Variants in PRKN observed in about 807,000 individuals in gnomAD.
PRKN encodes the protein parkin RBR E3 ubiquitin protein ligase.
A neutral mutation model predicts 59.5 loss-of-function variants in PRKN; 56 were observed. That is an observed-to-expected ratio of 0.94 (90% CI 0.76 to 1.18). The LOEUF is 1.18. PRKN is among the 50% of genes most tolerant of loss of function. The probability of loss-of-function intolerance (pLI) is 0.00; values close to 1 mark genes in which losing one functional copy is unlikely to be tolerated. For missense variants in PRKN, 657 were observed against 596.4 expected (o/e 1.10, Z -1.06); for synonymous variants, 250 against 222.1 (o/e 1.13, Z -1.12).
chr6:161,940,456 T>C (rs1265191325), intron 6 of PRKN, among the ~76,000 whole-genome samples: 1 of 152,154 alleles, frequency 6.6e-6, no homozygotes, highest in Non-Finnish European at 1.5e-5. Flanking sequence ...TCTCAACTTC[T>C]CTTGAAGTTG....
At chr6:161,802,606 T>A (rs967875194) in intron 6 of PRKN, among the ~76,000 whole-genome samples, 1 of 152,126 alleles carries the variant, frequency 6.6e-6, no homozygotes, top group Non-Finnish European at 1.5e-5. Context: ...CTGCAGCTCT[T>A]CCAATGTCTC....
chr6:162,513,916 C>A (rs146984875), intron 1 of PRKN, among the ~76,000 whole-genome samples: 269 of 151,946 alleles, frequency 1.8e-3, no homozygotes, highest in African/African-American at 5.5e-3. Context: ...TATGGTGATG[C>A]GTGCCTGTAG....
chr6:161,639,359 C>T (rs1329239267), intron 7 of PRKN, among the ~76,000 whole-genome samples: 2 of 152,122 alleles, frequency 1.3e-5, no homozygotes, highest in East Asian at 3.9e-4. Context: ...TCTTGAAAAG[C>T]AATTGTTAGC....
chr6:162,389,324 C>T (rs1171618178), intron 2 of PRKN, among the ~76,000 whole-genome samples: 4 of 152,036 alleles, frequency 2.6e-5, no homozygotes, highest in South Asian at 2.1e-4. Flanking sequence ...ATGAGCAAAG[C>T]TACCTTCTTC....
At chr6:162,139,258 T>C (rs1217339804) in intron 4 of PRKN, among the ~76,000 whole-genome samples, 1 of 152,204 alleles carries the variant, frequency 6.6e-6, no homozygotes, top group Non-Finnish European at 1.5e-5. Context: ...TTCCTTGGCA[T>C]CTACACTAAC....
At chr6:161,967,280 G>A (rs1032371840) in intron 6 of PRKN, among the ~76,000 whole-genome samples, 1 of 115,164 alleles carries the variant, frequency 8.7e-6, no homozygotes, top group African/African-American at 3.1e-5. Context: ...TGATTTGGTA[G>A]GCGCATCATT....
intron 2 of PRKN, among the ~76,000 whole-genome samples, chr6:162,414,547 A>T (rs528563799): frequency 4.6e-5 from 7 of 151,024 alleles, no homozygotes; most frequent in Non-Finnish European, 8.9e-5. Flanking sequence ...TCTCTACTAA[A>T]ATACAAAAAA....
At chr6:161,437,666 G>A (rs1202128764) in intron 9 of PRKN, among the ~76,000 whole-genome samples, 1 of 152,106 alleles carries the variant, frequency 6.6e-6, no homozygotes, top group Non-Finnish European at 1.5e-5. Context: ...GACAGGCTGT[G>A]TATAAAAACC....
At chr6:162,057,855 A>G (rs1464071745) in intron 4 of PRKN, among the ~76,000 whole-genome samples, 5 of 152,226 alleles carry the variant, frequency 3.3e-5, no homozygotes, top group Non-Finnish European at 5.9e-5. Flanking sequence ...TAACATTCAT[A>G]CTAATAGTGT....
chr6:161,927,481 A>G (rs1001034630), intron 6 of PRKN, among the ~76,000 whole-genome samples: 2 of 152,234 alleles, frequency 1.3e-5, no homozygotes, highest in African/African-American at 4.8e-5. Context: ...TGTTAACAAA[A>G]AGCAAAGATG....
At chr6:162,328,933 AAACAC>A (rs1783438052) in intron 2 of PRKN, among the ~76,000 whole-genome samples, 1 of 152,176 alleles carries the variant, frequency 6.6e-6, no homozygotes, top group Non-Finnish European at 1.5e-5. Flanking sequence ...TCCATGTTCT[AAACAC>A]AACAAATCAC....
chr6:162,679,201 G>C (rs985214032), intron 1 of PRKN, among the ~76,000 whole-genome samples: 7 of 151,890 alleles, frequency 4.6e-5, no homozygotes, highest in African/African-American at 1.5e-4. Context: ...CCGGGTTCAA[G>C]TGATTCTCCT....
Position 161,935,571 on chromosome 6 carries a change from AG to A in PRKN, c.734+37730del, listed in dbSNP as rs564681964. Reference sequence around the variant, plus strand: ...CTTGTTTCCAAAAAAAAAAAAAAAAAGAAGAAGAAGAAGAAGGATAAGACGT... The same window carrying A: ...CTTGTTTCCAAAAAAAAAAAAAAAAAAAGAAGAAGAAGAAGGATAAGACGT... On this transcript the variant is annotated intron_variant, in intron 6 of 11. Coordinates refer to ENST00000366898, the MANE Select transcript of PRKN (RefSeq NM_004562.3). Among the ~76,000 whole-genome samples, 461 of 141,798 alleles carry A rather than the reference AG, an allele frequency of 3.3e-3. 2 individuals carry two copies. Among genetic ancestry groups the A allele is most frequent in the African/African-American group, 0.011 (439 of 38,830 alleles). The allele number at this position is 141,798 out of a possible 152,430, so 93.0% of individuals were successfully genotyped here. A position where few individuals can be genotyped will look rare whatever the true frequency, so the allele number is the denominator to read the frequency against.
intron 7 of PRKN, among the ~76,000 whole-genome samples, chr6:161,651,745 C>G (rs1440194701): frequency 1.3e-5 from 2 of 152,162 alleles, no homozygotes; most frequent in Non-Finnish European, 2.9e-5. Context: ...CATTTCTAAA[C>G]TAAACATTGC....
intron 6 of PRKN, among the ~76,000 whole-genome samples, chr6:161,810,093 G>C (rs1041305146): frequency 3.3e-5 from 5 of 152,156 alleles, no homozygotes; most frequent in Admixed American, 1.3e-4. Flanking sequence ...ATTATAGTTG[G>C]AGATGGGGCC....
At chr6:162,722,765 T>G (rs1286383258) in intron 1 of PRKN, among the ~76,000 whole-genome samples, 1 of 152,190 alleles carries the variant, frequency 6.6e-6, no homozygotes, top group Non-Finnish European at 1.5e-5. Context: ...ATTGTATCAT[T>G]TTCAGGCAAT....
chr6:162,352,171 TC>T (rs1399205927), intron 2 of PRKN, among the ~76,000 whole-genome samples: 1 of 152,156 alleles, frequency 6.6e-6, no homozygotes, highest in South Asian at 2.1e-4. Context: ...CCTGAAGCAC[TC>T]CCAGTGAATT....
chr6:162,458,423 T>C (rs1284016099), intron 1 of PRKN, among the ~76,000 whole-genome samples: 1 of 142,742 alleles, frequency 7.0e-6, no homozygotes, highest in Admixed American at 7.0e-5. Flanking sequence ...CGAGACTCCA[T>C]CTCAAAAAAA....
chr6:162,040,509 G>A (rs146531035), intron 5 of PRKN, among the ~76,000 whole-genome samples: 1,940 of 150,444 alleles, frequency 0.013, 38 homozygotes, highest in African/African-American at 0.044. Context: ...AGGTTCAAGC[G>A]ATTCTTGTGC....
Sources: allele counts gnomAD v4.1 joint callset (sites outside exome capture counted in the v4.1 genomes callset), GRCh38; gene constraint gnomAD v4.1.1; transcripts MANE v1.5; gene names NCBI Gene and HGNC (gene_info 2026-07-23, HGNC 2026-07-21).